Variants in NRXN1 observed in about 807,000 individuals in gnomAD.
NRXN1 encodes the protein neurexin-1.
In NRXN1, 39 loss-of-function variants were observed where a neutral mutation model predicts 150.9. That is an observed-to-expected ratio of 0.26 (90% CI 0.20 to 0.34). The LOEUF (loss-of-function observed/expected upper bound fraction) is 0.34, where lower values mean the gene tolerates loss of function less well. NRXN1 is among the 10% of genes least tolerant of loss of function. The pLI is 1.00. For synonymous variants in NRXN1, 924 were observed against 757.0 expected (o/e 1.22, Z -3.62); for missense variants, 1,815 against 1,949.9 (o/e 0.93, Z 1.30).
At chr2:49,975,816 T>C (rs959660010) in intron 21 of NRXN1, among the ~76,000 whole-genome samples, 2 of 152,084 alleles carry the variant, frequency 1.3e-5, no homozygotes, top group African/African-American at 4.8e-5. Flanking sequence ...GTAAACTGAG[T>C]AGATAAACTA....
intron 5 of NRXN1, among the ~76,000 whole-genome samples, chr2:50,845,298 CACTT>C: frequency 6.6e-6 from 1 of 152,296 alleles, no homozygotes; most frequent in Non-Finnish European, 1.5e-5. Context: ...CATCTACGAA[CACTT>C]ACTATTTATT....
At chr2:50,980,252 C>T (rs1338430730) in intron 2 of NRXN1, among the ~76,000 whole-genome samples, 1 of 151,994 alleles carries the variant, frequency 6.6e-6, no homozygotes, top group Non-Finnish European at 1.5e-5. Flanking sequence ...TACAGGTGCA[C>T]CCCACTACAT....
At chr2:50,705,393 A>G (rs1694298037) in intron 5 of NRXN1, among the ~76,000 whole-genome samples, 1 of 152,134 alleles carries the variant, frequency 6.6e-6, no homozygotes, top group East Asian at 1.9e-4. Flanking sequence ...CTATCAAAGT[A>G]TTTGAGGGCT....
At chr2:49,969,577 T>C (rs1677584943) in intron 21 of NRXN1, 1 of 152,076 alleles carries the variant, frequency 6.6e-6, no homozygotes, top group Non-Finnish European at 1.5e-5. Flanking sequence ...ATATATAATC[T>C]ATACATTTGC....
intron 18 of NRXN1, among the ~76,000 whole-genome samples, chr2:50,127,857 G>T (rs986568719): frequency 3.9e-5 from 6 of 152,190 alleles, no homozygotes; most frequent in African/African-American, 1.4e-4. Flanking sequence ...AAGAAAAAGA[G>T]TCAGGGAAGA....
chr2:50,763,246 A>G (rs565049549), intron 5 of NRXN1, among the ~76,000 whole-genome samples: 1 of 152,040 alleles, frequency 6.6e-6, no homozygotes, highest in Admixed American at 6.6e-5. Context: ...TCATTTCCTG[A>G]CAGTCCCAAA....
intron 5 of NRXN1, among the ~76,000 whole-genome samples, chr2:50,697,875 TC>T (rs1174830375): frequency 6.6e-6 from 1 of 152,086 alleles, no homozygotes; most frequent in Non-Finnish European, 1.5e-5. Context: ...TACCAGCTGT[TC>T]CCCCAAAGTA....
chr2:50,523,142 A>T (rs1048658164), intron 12 of NRXN1, among the ~76,000 whole-genome samples: 1 of 35,966 alleles, frequency 2.8e-5, no homozygotes, highest in African/African-American at 2.2e-4. Context: ...TTTACATGCA[A>T]TTTTTTTTGA....
chr2:50,719,434 T>G (rs1696325232), intron 5 of NRXN1, among the ~76,000 whole-genome samples: 1 of 152,078 alleles, frequency 6.6e-6, no homozygotes, highest in African/African-American at 2.4e-5. Flanking sequence ...CCCAGCACTT[T>G]GGGAGGCCGA....
chr2:50,113,398 T>A (rs990280752), intron 18 of NRXN1, among the ~76,000 whole-genome samples: 9 of 152,232 alleles, frequency 5.9e-5, no homozygotes, highest in African/African-American at 2.2e-4. Context: ...AATTCCTTAA[T>A]ACATACTAGA....
At chr2:50,154,413 A>T (rs2058888476) in intron 18 of NRXN1, among the ~76,000 whole-genome samples, 1 of 151,730 alleles carries the variant, frequency 6.6e-6, no homozygotes, top group Admixed American at 6.6e-5. Context: ...GAAGCATGGG[A>T]ATTGTAAATA....
intron 5 of NRXN1, among the ~76,000 whole-genome samples, chr2:50,815,496 T>C (rs936592863): frequency 6.6e-6 from 1 of 152,198 alleles, no homozygotes; most frequent in South Asian, 2.1e-4. Context: ...TAAGTCTCTT[T>C]GCTATTTAAG....
chr2:50,334,352 T>C (rs1240032691), intron 17 of NRXN1, among the ~76,000 whole-genome samples: 1 of 151,952 alleles, frequency 6.6e-6, no homozygotes, highest in Non-Finnish European at 1.5e-5. Context: ...TTAGCAATTA[T>C]TGCACTGTTG....
Position 50,053,319 on chromosome 2 carries a change from A to G in NRXN1, c.4080T>C (p.Thr1360=), listed in dbSNP as rs1226573051. 4 of 1,614,032 alleles carry G rather than the reference A, an allele frequency of 2.5e-6. No homozygotes were observed. Among genetic ancestry groups the G allele is most frequent in the Admixed American group, 1.7e-5 (1 of 60,000 alleles). The change falls in exon 21 of 23, where the codon ACT becomes ACC. Residue 1360 remains threonine (T), a synonymous_variant. Coordinates refer to ENST00000401669, the MANE Select transcript of NRXN1 (RefSeq NM_001330078.2). ...SIMETTTTLA[T]STARRGKPPT... ...GGGGCTTTCCTCTTCTGGCTGTGCT[A>G]GTAGCCAGGGTCGTGGTAGTCTCCA...
At chr2:51,026,791 G>T (rs1670553148) in intron 2 of NRXN1, among the ~76,000 whole-genome samples, 1 of 152,136 alleles carries the variant, frequency 6.6e-6, no homozygotes, top group African/African-American at 2.4e-5. Context: ...CCGCATAAAT[G>T]ACAAAATTTT....
chr2:50,845,902 A>C (rs1353941877), intron 5 of NRXN1, among the ~76,000 whole-genome samples: 4 of 152,234 alleles, frequency 2.6e-5, no homozygotes, highest in Non-Finnish European at 5.9e-5. Context: ...ACTTTGACTG[A>C]CAAAAGTGAT....
At chr2:50,899,794 CTGGCAGAAT>C (rs1682633637) in intron 5 of NRXN1, among the ~76,000 whole-genome samples, 1 of 152,066 alleles carries the variant, frequency 6.6e-6, no homozygotes, top group Non-Finnish European at 1.5e-5. Flanking sequence ...CTTTTGATAT[CTGGCAGAAT>C]TATGTCAAAT....
intron 5 of NRXN1, among the ~76,000 whole-genome samples, chr2:50,868,277 T>C (rs1677260256): frequency 6.7e-6 from 1 of 150,272 alleles, no homozygotes; most frequent in African/African-American, 2.4e-5. Flanking sequence ...GAAGTCTTTA[T>C]GTGAAACAAT....
intron 21 of NRXN1, among the ~76,000 whole-genome samples, chr2:49,964,282 A>G (rs1274863668): frequency 6.6e-6 from 1 of 152,140 alleles, no homozygotes; most frequent in Non-Finnish European, 1.5e-5. Flanking sequence ...CATAATCACT[A>G]CATCTTCCAT....
Sources: gnomAD v4.1 joint callset for allele counts (sites outside exome capture counted in the v4.1 genomes callset) on GRCh38, gnomAD v4.1.1 for gene constraint, MANE v1.5 for transcripts, NCBI Gene and HGNC (gene_info 2026-07-23, HGNC 2026-07-21) for gene names.